The following TXNDC11 variants were observed in gnomAD, a reference collection of about 807,000 sequenced individuals.
TXNDC11 encodes the protein thioredoxin domain containing 11.
In TXNDC11, 68 loss-of-function variants were observed where a neutral mutation model predicts 78.0. That is an observed-to-expected ratio of 0.87 (90% CI 0.72 to 1.07). The LOEUF (loss-of-function observed/expected upper bound fraction) is 1.07. TXNDC11 is among the 50% of genes least tolerant of loss of function. The probability of loss-of-function intolerance (pLI) is 0.00; values close to 1 mark genes in which losing one functional copy is unlikely to be tolerated. For missense variants in TXNDC11, 1,389 were observed against 1,221.8 expected, an observed-to-expected ratio of 1.14 and a Z score of -2.04; for synonymous variants, 571 against 495.2, an observed-to-expected ratio of 1.15 and a Z score of -2.03.
intron 4 of TXNDC11, among the ~76,000 whole-genome samples, chr16:11,723,845 A>C (rs948672094): frequency 2.0e-5 from 3 of 152,230 alleles, no homozygotes; most frequent in African/African-American, 7.2e-5. Flanking sequence ...GTTAGGAATA[A>C]ATGAATGAAT....
At chr16:11,717,684 G>A (rs1258122256) in intron 5 of TXNDC11, among the ~76,000 whole-genome samples, 3 of 151,028 alleles carry the variant, frequency 2.0e-5, no homozygotes, top group Admixed American at 2.0e-4. Context: ...AGCTGGGCGT[G>A]GTGGCAGGCG....
In TXNDC11 at chr16:11,700,572, A is replaced by G. The variant is rs2050985127; in HGVS notation, c.794-8T>C. The G allele has an allele frequency of 2.7e-6, 4 of 1,497,044 alleles. No individual in the cohort carries two copies. The highest frequency in any genetic ancestry group is 3.7e-6 in the Non-Finnish European group (4 of 1,079,820). The allele number at this position is 1,497,044 out of a possible 1,614,324, so 92.7% of individuals were successfully genotyped here. Reference sequence around the variant, plus strand: ...GTACTGTTCCTAGGTAATCTGAAACAGAAAATTTTCCTTTATTAAAGAAAA... The same window carrying G: ...GTACTGTTCCTAGGTAATCTGAAACGGAAAATTTTCCTTTATTAAAGAAAA... On this transcript the variant is annotated splice_region_variant and splice_polypyrimidine_tract_variant and intron_variant, in intron 5 of 11. Transcript: ENST00000283033.
intron 6 of TXNDC11, among the ~76,000 whole-genome samples, chr16:11,699,281 CCTTT>C (rs1487002952): frequency 6.6e-6 from 1 of 152,204 alleles, no homozygotes; most frequent in Non-Finnish European, 1.5e-5. Context: ...CATAGTCCTA[CCTTT>C]CTTTCCCCAT....
chr16:11,729,692 C>T (rs1435395805), intron 4 of TXNDC11, among the ~76,000 whole-genome samples: 2 of 152,156 alleles, frequency 1.3e-5, no homozygotes, highest in Non-Finnish European at 2.9e-5. Context: ...TGATTTTACA[C>T]TTGCTCCAGT....
At chr16:11,729,647 T>C (rs781113579) in intron 4 of TXNDC11, among the ~76,000 whole-genome samples, 22 of 152,212 alleles carry the variant, frequency 1.4e-4, no homozygotes, top group Non-Finnish European at 1.8e-4. Flanking sequence ...CTTGATTTTG[T>C]TGTACCTAAG....
intron 4 of TXNDC11, among the ~76,000 whole-genome samples, chr16:11,723,373 T>C (rs554222427): frequency 3.4e-4 from 52 of 151,788 alleles, no homozygotes; most frequent in African/African-American, 1.2e-3. Context: ...TCACTTGAGG[T>C]CGGGAGTTCA....
chr16:11,690,381 A>T (rs2050676763), intron 8 of TXNDC11, among the ~76,000 whole-genome samples: 1 of 152,158 alleles, frequency 6.6e-6, no homozygotes. Flanking sequence ...TGCGACTGAC[A>T]CTTATTTATT....
intron 8 of TXNDC11, chr16:11,689,887 T>C (rs2050663689): frequency 6.6e-6 from 1 of 152,226 alleles, no homozygotes; most frequent in African/African-American, 2.4e-5. Flanking sequence ...TATCGACAGA[T>C]TTATGCCCTT....
chr16:11,729,877 C>T (rs970859143), intron 4 of TXNDC11, among the ~76,000 whole-genome samples: 3 of 152,124 alleles, frequency 2.0e-5, no homozygotes, highest in African/African-American at 7.2e-5. Flanking sequence ...GGGAAGATCA[C>T]TTGAGGCCCA....
In TXNDC11 at chr16:11,679,484, T is replaced by TA. The variant is rs2050358182; in HGVS notation, c.2587dup (p.Tyr863LeufsTer2). ...CTGCAGCTCACGTGTCTTCTGCTCA[T>TA]AGAGGGCCTGCAGCTGCTCACTGTG... On this transcript the variant is annotated frameshift_variant, in exon 12 of 12. Coordinates refer to ENST00000283033, the MANE Select transcript of TXNDC11 (RefSeq NM_015914.7). LOFTEE classifies it low-confidence loss of function (END_TRUNC). The surrounding 1 kb of genome is among the most constrained non-coding windows in gnomAD (Gnocchi z 4.6). 3 of 1,613,590 alleles carry TA rather than the reference T, an allele frequency of 1.9e-6. No homozygotes were observed. The highest frequency in any genetic ancestry group is 1.7e-5 in the Admixed American group (1 of 60,028).
At position 11,679,937 on chromosome 16, in the gene TXNDC11, G is replaced by A. The variant is rs1196906650; in HGVS notation, c.2235-100C>T. On this transcript the variant is annotated intron_variant, in intron 11 of 11. Coordinates refer to ENST00000283033, the MANE Select transcript of TXNDC11 (RefSeq NM_015914.7). The surrounding 1 kb of genome is among the most constrained non-coding windows in gnomAD (Gnocchi z 4.6). ...GGCCAGGCCATCTACTTCTCACCAA[G>A]AAAAGACGTTCCGTGGATTTTACTT... The A allele has an allele frequency of 2.9e-6, 3 of 1,040,818 alleles. No homozygotes were observed. In the East Asian group the frequency reaches 7.2e-5, roughly 25 times the overall value. 64.5% of individuals were successfully genotyped at this position (1,040,818 alleles called of 1,614,324 possible).
intron 4 of TXNDC11, among the ~76,000 whole-genome samples, chr16:11,723,748 A>G (rs1053988649): frequency 2.6e-5 from 4 of 152,142 alleles, no homozygotes; most frequent in African/African-American, 9.7e-5. Flanking sequence ...TCATCTGGCA[A>G]TTTTACTTAA....
At chr16:11,688,950 G>GA (rs1192406019) in intron 8 of TXNDC11, among the ~76,000 whole-genome samples, 54 of 151,950 alleles carry the variant, frequency 3.6e-4, no homozygotes, top group Admixed American at 1.2e-3. Context: ...TAAAGGTTAA[G>GA]AAAAAATTAT....
chr16:11,683,461 G>C (rs2050484336), intron 11 of TXNDC11, among the ~76,000 whole-genome samples: 1 of 152,244 alleles, frequency 6.6e-6, no homozygotes, highest in Non-Finnish European at 1.5e-5. Flanking sequence ...GCTGCTGGGA[G>C]GCCAACTGAG....
chr16:11,701,586 C>T (rs1382249133), intron 5 of TXNDC11, among the ~76,000 whole-genome samples: 3 of 151,956 alleles, frequency 2.0e-5, no homozygotes, highest in African/African-American at 7.3e-5. Flanking sequence ...AAGACTTATA[C>T]AAATCAACAA....
intron 3 of TXNDC11, among the ~76,000 whole-genome samples, chr16:11,733,633 A>G (rs1029939483): frequency 3.3e-5 from 5 of 152,272 alleles, no homozygotes; most frequent in Non-Finnish European, 7.3e-5. Context: ...CCTCCAGATG[A>G]AACGATAAGA....
At chr16:11,680,949 T>C (rs2050408249) in intron 11 of TXNDC11, among the ~76,000 whole-genome samples, 1 of 152,100 alleles carries the variant, frequency 6.6e-6, no homozygotes, top group Non-Finnish European at 1.5e-5. Flanking sequence ...GGAGGATCGC[T>C]TGAGGCCAGG....
Position 11,688,181 on chromosome 16 carries a change from T to C in TXNDC11, c.2043+122A>G, listed in dbSNP as rs147181498. The C allele has an allele frequency of 2.5e-5, 28 of 1,098,768 alleles. No individual in the cohort carries two copies. In the African/African-American group the frequency reaches 3.3e-4, roughly 13 times the overall value. The allele number at this position is 1,098,768 out of a possible 1,614,324, so 68.1% of individuals were successfully genotyped here. A position where few individuals can be genotyped will look rare whatever the true frequency, so the allele number is the denominator to read the frequency against. ...CATGTAATTCATTCACGGTCCATAA[T>C]TGGGCCATCACGTGGTTACTCTTCT... On this transcript the variant is annotated intron_variant, in intron 9 of 11. Transcript: ENST00000283033.
chr16:11,688,963 G>A (rs1443934041), intron 8 of TXNDC11, among the ~76,000 whole-genome samples: 1 of 151,982 alleles, frequency 6.6e-6, no homozygotes, highest in Admixed American at 6.5e-5. Flanking sequence ...AAAATTATAT[G>A]TAGTGGAAAA....
Sources: gnomAD v4.1 joint callset for allele counts (sites outside exome capture counted in the v4.1 genomes callset) on GRCh38, gnomAD v4.1.1 for gene constraint, Gnocchi (gnomAD v3.1) non-coding constraint, MANE v1.5 for transcripts, NCBI Gene and HGNC (gene_info 2026-07-23, HGNC 2026-07-21) for gene names.